The following NAALADL2 variants were observed in gnomAD, a reference collection of about 807,000 sequenced individuals.
NAALADL2 encodes inactive N-acetylated-alpha-linked acidic dipeptidase-like protein 2.
NAALADL2 carries 76 observed loss-of-function variants against 87.2 expected under a neutral mutation model. The observed-to-expected ratio is 0.87, with a 90% CI of 0.72 to 1.05. NAALADL2 has a LOEUF of 1.05. Among genes scored for constraint, NAALADL2 ranks in the 50% least tolerant of loss-of-function variants. NAALADL2 has a pLI of 0.00. For synonymous variants in NAALADL2, 354 were observed against 331.0 expected (o/e 1.07, Z -0.75); for missense variants, 1,089 against 945.8 (o/e 1.15, Z -1.99).
chr3:174,662,516 C>CT (rs146928677), intron 2 of NAALADL2, among the ~76,000 whole-genome samples: 11,218 of 152,004 alleles, frequency 0.074, 1,385 homozygotes, highest in African/African-American at 0.26. Flanking sequence ...GTTCTGAAGT[C>CT]GTTGAGATGC....
At chr3:175,242,203 C>A (rs942187960) in intron 3 of NAALADL2, among the ~76,000 whole-genome samples, 1 of 152,202 alleles carries the variant, frequency 6.6e-6, no homozygotes, top group East Asian at 1.9e-4. Context: ...TTTCTAAAGA[C>A]TTTTAGTCAC....
intron 1 of NAALADL2, among the ~76,000 whole-genome samples, chr3:175,048,071 A>G (rs1019317485): frequency 2.0e-5 from 3 of 152,114 alleles, no homozygotes; most frequent in African/African-American, 7.2e-5. Flanking sequence ...TGGTAGTGGG[A>G]TTTGTACTTT....
chr3:175,233,899 T>A, intron 2 of NAALADL2, 32 bp from the exon 3 acceptor site: 1 of 1,324,016 alleles, frequency 7.6e-7, no homozygotes, highest in Non-Finnish European at 1.1e-6. Flanking sequence ...ATTCTCCTTT[T>A]TAAAAAAGTT....
At chr3:174,965,369 T>G (rs2108579964) in intron 1 of NAALADL2, among the ~76,000 whole-genome samples, 1 of 150,664 alleles carries the variant, frequency 6.6e-6, no homozygotes, top group Admixed American at 6.6e-5. Context: ...ATACTGTCAC[T>G]TCTGTCCTAT....
At chr3:174,868,784 T>A (rs913217341) in intron 1 of NAALADL2, among the ~76,000 whole-genome samples, 1 of 152,144 alleles carries the variant, frequency 6.6e-6, no homozygotes, top group African/African-American at 2.4e-5. Context: ...TAAACTGTAA[T>A]TGTATATTTT....
At chr3:175,534,237 G>A (rs1324625294) in intron 9 of NAALADL2, among the ~76,000 whole-genome samples, 1 of 151,852 alleles carries the variant, frequency 6.6e-6, no homozygotes, top group African/African-American at 2.4e-5. Flanking sequence ...CTGTATTAGC[G>A]TTCTCTAGAG....
chr3:175,227,014 T>A (rs999269993), intron 2 of NAALADL2, among the ~76,000 whole-genome samples: 3 of 152,142 alleles, frequency 2.0e-5, no homozygotes, highest in African/African-American at 7.2e-5. Flanking sequence ...TTTTTAATAC[T>A]ATATTAGAAA....
intron 13 of NAALADL2, among the ~76,000 whole-genome samples, chr3:175,792,032 A>T (rs1037252253): frequency 7.2e-5 from 11 of 152,034 alleles, no homozygotes; most frequent in African/African-American, 2.7e-4. Context: ...AAAAAAAAAT[A>T]AATGGTACTT....
chr3:175,133,119 CGATGGGCGGCCGGGCA>C lies in NAALADL2; in HGVS notation c.545+35831_545+35846del, dbSNP rs543341168. Among the ~76,000 whole-genome samples, 772 of 142,510 alleles carry C rather than the reference CGATGGGCGGCCGGGCA, an allele frequency of 5.4e-3. 5 individuals carry two copies. The highest frequency in any genetic ancestry group is 0.017 in the African/African-American group (642 of 37,598). The allele number at this position is 142,510 out of a possible 152,430, so 93.5% of individuals were successfully genotyped here. A position where few individuals can be genotyped will look rare whatever the true frequency, so the allele number is the denominator to read the frequency against. ...GCAGAGGCGCTCCCCACATCTCAGACGATGGGCGGCCGGGCAGAGACGCTCCTCACTTCCTAGATGG... is the reference window on the plus strand; with the variant it reads ...GCAGAGGCGCTCCCCACATCTCAGACGAGACGCTCCTCACTTCCTAGATGG... On this transcript the variant is annotated intron_variant, in intron 2 of 13. Coordinates refer to ENST00000454872, the MANE Select transcript of NAALADL2 (RefSeq NM_207015.3).
chr3:175,482,493 C>T (rs1726625060), intron 9 of NAALADL2, among the ~76,000 whole-genome samples: 1 of 151,886 alleles, frequency 6.6e-6, no homozygotes, highest in Non-Finnish European at 1.5e-5. Flanking sequence ...AATATAACTT[C>T]CAGCTCCCTT....
At chr3:174,448,629 G>C (rs1373871807) in intron 1 of NAALADL2, among the ~76,000 whole-genome samples, 2 of 152,118 alleles carry the variant, frequency 1.3e-5, no homozygotes, top group South Asian at 2.1e-4. Flanking sequence ...AGTATTGCCA[G>C]GGAAGAAGGC....
intron 9 of NAALADL2, among the ~76,000 whole-genome samples, chr3:175,532,713 A>T (rs1734248541): frequency 6.6e-6 from 1 of 152,174 alleles, no homozygotes; most frequent in Non-Finnish European, 1.5e-5. Context: ...CCTTTTACAT[A>T]TGAGTGTCGC....
chr3:175,336,760 G>T (rs1247426010), intron 5 of NAALADL2, among the ~76,000 whole-genome samples: 4 of 152,140 alleles, frequency 2.6e-5, no homozygotes, highest in Non-Finnish European at 4.4e-5. Flanking sequence ...TCCTCAGCAT[G>T]ATCTGTTCCA....
At chr3:175,306,846 C>T (rs1581348215) in intron 4 of NAALADL2, among the ~76,000 whole-genome samples, 1 of 152,020 alleles carries the variant, frequency 6.6e-6, no homozygotes, top group Non-Finnish European at 1.5e-5. Flanking sequence ...CTTAGAGATA[C>T]TCTATAGGAC....
At chr3:175,494,177 A>G (rs1466674944) in intron 9 of NAALADL2, among the ~76,000 whole-genome samples, 1 of 152,076 alleles carries the variant, frequency 6.6e-6, no homozygotes, top group Non-Finnish European at 1.5e-5. Flanking sequence ...CCTTTTACAT[A>G]CTATATATAA....
chr3:175,619,562 G>C (rs1725916218), intron 10 of NAALADL2, among the ~76,000 whole-genome samples: 1 of 151,526 alleles, frequency 6.6e-6, no homozygotes. Context: ...TTTCAACAAG[G>C]GAAAGAAAAC....
chr3:175,774,577 A>C (rs1253608227), intron 13 of NAALADL2, among the ~76,000 whole-genome samples: 2 of 151,990 alleles, frequency 1.3e-5, no homozygotes, highest in African/African-American at 4.8e-5. Context: ...TGCAGAAAAA[A>C]AAAATAATTC....
intron 10 of NAALADL2, among the ~76,000 whole-genome samples, chr3:175,589,948 C>T (rs190424630): frequency 0.012 from 1,816 of 152,118 alleles, 32 homozygotes; most frequent in African/African-American, 0.038. Flanking sequence ...TGTGGTGGTT[C>T]ACGCCTATAA....
At chr3:175,265,033 A>C (rs1450917684) in intron 4 of NAALADL2, among the ~76,000 whole-genome samples, 1 of 151,668 alleles carries the variant, frequency 6.6e-6, no homozygotes, top group African/African-American at 2.4e-5. Context: ...CATACTAAAC[A>C]TTCATCGAAA....
Sources: allele counts gnomAD v4.1 joint callset (sites outside exome capture counted in the v4.1 genomes callset), GRCh38; gene constraint gnomAD v4.1.1; transcripts MANE v1.5; gene names NCBI Gene and HGNC (gene_info 2026-07-23, HGNC 2026-07-21).